Variants in STAG1 observed in about 807,000 individuals in gnomAD.
STAG1 encodes cohesin subunit SA-1.
Under a neutral mutation model 170.9 loss-of-function variants are expected in STAG1, and 26 were observed. That is an observed-to-expected ratio of 0.15 (90% CI 0.11 to 0.21). STAG1 has a LOEUF of 0.21. Ranked by LOEUF, STAG1 falls within the 10% of genes least tolerant of loss-of-function variation. The pLI, the probability that STAG1 is intolerant of heterozygous loss-of-function variation, is 1.00. For synonymous variants in STAG1, 514 were observed against 497.7 expected (o/e 1.03, Z -0.44); for missense variants, 964 against 1,509.5 (o/e 0.64, Z 5.99).
At chr3:136,394,812 G>C (rs1159381056) in intron 22 of STAG1, among the ~76,000 whole-genome samples, 1 of 151,858 alleles carries the variant, frequency 6.6e-6, no homozygotes, top group Non-Finnish European at 1.5e-5. Context: ...AATTAGCCAG[G>C]CATGGTGGTA....
intron 6 of STAG1, 120 bp from the exon 7 acceptor site, chr3:136,521,537 G>A: frequency 1.4e-6 from 1 of 731,140 alleles, no homozygotes; most frequent in Non-Finnish European, 2.2e-6. Context: ...AAAGAAATAG[G>A]TGACTTTCAT....
rs192808342 is a variant in STAG1 at position 136,514,395 on chromosome 3, T to G, written c.676+6818A>C. Among the ~76,000 whole-genome samples the G allele has an allele frequency of 3.1e-3, 475 of 152,226 alleles. 4 individuals carry two copies. Among genetic ancestry groups the G allele is most frequent in the African/African-American group, 9.6e-3 (397 of 41,530 alleles). ...TCACACCAGTTAGAATGGCAATCAT[T>G]AAAAAGTCAGGAAACAACAGATGCT... is the stretch of plus-strand genomic sequence containing the variant. On this transcript the variant is annotated intron_variant, in intron 7 of 33. Transcript: ENST00000383202.
intron 22 of STAG1, among the ~76,000 whole-genome samples, chr3:136,391,852 C>CA (rs2108328778): frequency 6.6e-6 from 1 of 152,304 alleles, no homozygotes; most frequent in African/African-American, 2.4e-5. Flanking sequence ...AAGACTGCCC[C>CA]AGAGCTTCCA....
At chr3:136,677,526 T>C (rs1217118849) in intron 1 of STAG1, among the ~76,000 whole-genome samples, 2 of 152,286 alleles carry the variant, frequency 1.3e-5, no homozygotes, top group South Asian at 2.1e-4. Flanking sequence ...GGTTAGAACC[T>C]AATACCCAAT....
chr3:136,534,230 T>C (rs568290296), intron 6 of STAG1, among the ~76,000 whole-genome samples: 15 of 152,294 alleles, frequency 9.8e-5, no homozygotes, highest in Admixed American at 9.8e-4. Flanking sequence ...TCTGAACCCC[T>C]ATCTCTCACG....
At chr3:136,599,673 T>C (rs1171420063) in intron 4 of STAG1, among the ~76,000 whole-genome samples, 4 of 152,228 alleles carry the variant, frequency 2.6e-5, no homozygotes, top group South Asian at 2.1e-4. Context: ...CTTATTTCTC[T>C]GGGCTACATT....
intron 1 of STAG1, among the ~76,000 whole-genome samples, chr3:136,678,850 CAAAA>C (rs559610524): frequency 8.5e-5 from 3 of 35,418 alleles, no homozygotes; most frequent in East Asian, 1.6e-3. Context: ...CCCATGCTCA[CAAAA>C]AAAAAAAAAA....
Position 136,571,009 on chromosome 3 carries a change from T to C in STAG1, c.298-2148A>G, listed in dbSNP as rs184983523. 6.6e-5 allele frequency among the ~76,000 whole-genome samples: 10 copies of C among 152,258 alleles called. 1 individual carries two copies. The highest frequency in any genetic ancestry group is 5.2e-4 in the Admixed American group (8 of 15,302). ...GTCAGGCTCTGCAAGCTCAGGATGATGGTGAAAACTAGAAGTTAATAGAGC... is the reference window on the plus strand; with the variant it reads ...GTCAGGCTCTGCAAGCTCAGGATGACGGTGAAAACTAGAAGTTAATAGAGC... On this transcript the variant is annotated intron_variant, in intron 4 of 33. Transcript: ENST00000383202.
chr3:136,680,387 CAT>C (rs1942293424), intron 1 of STAG1, among the ~76,000 whole-genome samples: 1 of 152,120 alleles, frequency 6.6e-6, no homozygotes, highest in Non-Finnish European at 1.5e-5. Flanking sequence ...AAAATCTTCA[CAT>C]AAAGGCCTAT....
chr3:136,570,775 C>T (rs974155931), intron 4 of STAG1, among the ~76,000 whole-genome samples: 1 of 152,196 alleles, frequency 6.6e-6, no homozygotes, highest in Non-Finnish European at 1.5e-5. Context: ...AATGACCTTC[C>T]ATTGGGAAGA....
At chr3:136,744,156 C>T (rs1353472172) in intron 1 of STAG1, among the ~76,000 whole-genome samples, 2 of 152,172 alleles carry the variant, frequency 1.3e-5, no homozygotes, top group Non-Finnish European at 2.9e-5. Context: ...AGAGAAACCC[C>T]GTCTCTACTA....
At position 136,728,510 on chromosome 3, in the gene STAG1, C is replaced by A. The variant is rs188884056; in HGVS notation, c.-84+23685G>T. On this transcript the variant is annotated intron_variant, in intron 1 of 33. Coordinates refer to ENST00000383202, the MANE Select transcript of STAG1 (RefSeq NM_005862.3). Reference sequence around the variant, plus strand: ...CTTCTCCGTGCCTCAGTTTTTTCATCTGTAAAGAGACTTAGCCCTACCCAC... The same window carrying A: ...CTTCTCCGTGCCTCAGTTTTTTCATATGTAAAGAGACTTAGCCCTACCCAC... 9.2e-5 allele frequency among the ~76,000 whole-genome samples: 14 copies of A among 152,248 alleles called. No homozygotes were observed. In the East Asian group the frequency reaches 2.7e-3, roughly 29 times the overall value.
chr3:136,375,969 AAAATAAAT>A (rs3072456), intron 23 of STAG1, among the ~76,000 whole-genome samples: 3 of 124,672 alleles, frequency 2.4e-5, no homozygotes, highest in Non-Finnish European at 3.2e-5. Context: ...ACTCCGTCTC[AAAATAAAT>A]AAATAAATAA....
chr3:136,616,637 A>C (rs1294527847), intron 3 of STAG1, among the ~76,000 whole-genome samples: 1 of 152,180 alleles, frequency 6.6e-6, no homozygotes, highest in Non-Finnish European at 1.5e-5. Flanking sequence ...GGCTGGGCCC[A>C]GTGCCTCATG....
intron 23 of STAG1, among the ~76,000 whole-genome samples, chr3:136,376,735 T>C (rs1937623649): frequency 6.6e-6 from 1 of 152,114 alleles, no homozygotes; most frequent in African/African-American, 2.4e-5. Flanking sequence ...GGTAAGATGA[T>C]AAAAGGGTAT....
intron 22 of STAG1, among the ~76,000 whole-genome samples, chr3:136,381,528 T>A (rs992030215): frequency 6.6e-6 from 1 of 152,144 alleles, no homozygotes; most frequent in Non-Finnish European, 1.5e-5. Context: ...GCACTTTCAA[T>A]GGAGTTATGA....
rs187900760 is a variant in STAG1 at position 136,582,565 on chromosome 3, G to A, written c.298-13704C>T. 3.2e-3 allele frequency among the ~76,000 whole-genome samples: 494 copies of A among 152,348 alleles called. 7 individuals are homozygous for A. In the East Asian group the frequency reaches 0.045, roughly 14 times the overall value. Reference sequence around the variant, plus strand: ...TGTAATCCCAGCACTTGGAGAGGCTGAGGTGGGTGGATCATCTGAGGTCAG... The same window carrying A: ...TGTAATCCCAGCACTTGGAGAGGCTAAGGTGGGTGGATCATCTGAGGTCAG... On this transcript the variant is annotated intron_variant, in intron 4 of 33. Coordinates refer to ENST00000383202, the MANE Select transcript of STAG1 (RefSeq NM_005862.3).
intron 5 of STAG1, among the ~76,000 whole-genome samples, chr3:136,552,631 A>T (rs1324928586): frequency 1.3e-5 from 2 of 152,190 alleles, no homozygotes; most frequent in Non-Finnish European, 2.9e-5. Context: ...AAATAACTCT[A>T]TAAAGTGGGG....
chr3:136,597,678 G>C (rs1938489288), intron 4 of STAG1, among the ~76,000 whole-genome samples: 1 of 152,058 alleles, frequency 6.6e-6, no homozygotes, highest in Non-Finnish European at 1.5e-5. Context: ...GAACGTTGCT[G>C]AATGCTCTCA....
Sources: gnomAD v4.1 joint callset for allele counts (sites outside exome capture counted in the v4.1 genomes callset) on GRCh38, gnomAD v4.1.1 for gene constraint, MANE v1.5 for transcripts, NCBI Gene and HGNC (gene_info 2026-07-23, HGNC 2026-07-21) for gene names.